SRPK2: variants seen among roughly 807,000 people sequenced by gnomAD.
SRPK2 encodes SFRS protein kinase 2.
SRPK2 carries 21 observed loss-of-function variants against 90.8 expected under a neutral mutation model. That is an observed-to-expected ratio of 0.23 (90% CI 0.16 to 0.33). SRPK2 has a LOEUF of 0.33. SRPK2 is among the 10% of genes least tolerant of loss of function. SRPK2 has a pLI of 1.00. For missense variants in SRPK2, 620 were observed against 869.0 expected (o/e 0.71, Z 3.60); for synonymous variants, 288 against 311.1 (o/e 0.93, Z 0.78).
At chr7:105,388,552 C>T (rs1821930846) in intron 2 of SRPK2, 96 bp downstream of exon 2, 1 of 1,154,162 alleles carries the variant, frequency 8.7e-7, no homozygotes, top group East Asian at 3.3e-5. Context: ...AGCCCGCCCG[C>T]CGGCCCGGGG....
rs533969450 is a variant in SRPK2 at position 105,311,406 on chromosome 7, G to T, written c.71+77242C>A. Among the ~76,000 whole-genome samples, 8 of 152,130 alleles carry T rather than the reference G, an allele frequency of 5.3e-5. No individual in the cohort carries two copies. In the South Asian group the frequency reaches 1.5e-3, roughly 28 times the overall value. ...TGCCACCACGCCTAGCTAACTTTTT[G>T]TATTTTTAGTAGAGACAGGTTTCAC... On this transcript the variant is annotated intron_variant, in intron 2 of 15. Transcript: ENST00000393651.
chr7:105,232,398 G>A (rs1799534773), intron 2 of SRPK2, among the ~76,000 whole-genome samples: 1 of 150,848 alleles, frequency 6.6e-6, no homozygotes, highest in African/African-American at 2.4e-5. Context: ...GGCAAAGGTT[G>A]CGGTGAGCCG....
At chr7:105,293,648 G>C (rs1809383450) in intron 2 of SRPK2, among the ~76,000 whole-genome samples, 1 of 152,020 alleles carries the variant, frequency 6.6e-6, no homozygotes, top group Admixed American at 6.6e-5. Context: ...TCAAACTCCT[G>C]ACCTCAGGTG....
rs1175518542 is a variant in SRPK2, at chr7:105,170,925, AAAGAAAAAG to A, written c.230-1669_230-1661del. 3.9e-3 allele frequency among the ~76,000 whole-genome samples: 452 copies of A among 115,528 alleles called. 4 individuals carry two copies. Among genetic ancestry groups the A allele is most frequent in the Non-Finnish European group, 5.3e-3 (298 of 55,812 alleles). 75.8% of individuals were successfully genotyped at this position (115,528 alleles called of 152,430 possible). ...AAAGAAAGAAAGAAAGGAGAAAGAA[AAAGAAAAAG>A]GAAAGAAAGAAAGAAAGAAAGAAAG... On this transcript the variant is annotated intron_variant, in intron 3 of 15. Coordinates refer to ENST00000393651, the MANE Select transcript of SRPK2 (RefSeq NM_182692.3).
intron 2 of SRPK2, among the ~76,000 whole-genome samples, chr7:105,345,268 G>A (rs1470241932): frequency 6.6e-6 from 1 of 151,592 alleles, no homozygotes; most frequent in Non-Finnish European, 1.5e-5. Flanking sequence ...AAGGAAAGGG[G>A]GATTTTAAGT....
At chr7:105,160,460 TAACC>T (rs1218745727) in intron 7 of SRPK2, 43 bp downstream of exon 7, 3 of 1,119,066 alleles carry the variant, frequency 2.7e-6, no homozygotes, top group Non-Finnish European at 4.1e-6. Flanking sequence ...GTTGAAAGCC[TAACC>T]AATTAGGTAC....
chr7:105,262,503 A>C (rs1196115214), intron 2 of SRPK2, among the ~76,000 whole-genome samples: 1 of 152,214 alleles, frequency 6.6e-6, no homozygotes, highest in Non-Finnish European at 1.5e-5. Context: ...CAAACCAAGC[A>C]TCTTCTTTAT....
chr7:105,153,504 G>C (rs903578342), intron 7 of SRPK2, among the ~76,000 whole-genome samples: 12 of 152,156 alleles, frequency 7.9e-5, no homozygotes, highest in Non-Finnish European at 1.3e-4. Flanking sequence ...TAATCTTGTA[G>C]ATAAGTCGGG....
chr7:105,115,606 TATCAAC>T (rs995980870), downstream of SRPK2: 1 of 152,210 alleles, frequency 6.6e-6, no homozygotes, highest in African/African-American at 2.4e-5. Flanking sequence ...GTGCATTCTT[TATCAAC>T]AAGCCGCCAA....
intron 15 of SRPK2, among the ~76,000 whole-genome samples, chr7:105,119,169 G>A (rs1222893698): frequency 2.0e-5 from 3 of 151,748 alleles, no homozygotes; most frequent in African/African-American, 4.8e-5. Flanking sequence ...TTCATGCAAG[G>A]ACTGACTTCT....
intron 2 of SRPK2, among the ~76,000 whole-genome samples, chr7:105,303,072 T>C (rs1810743720): frequency 6.6e-6 from 1 of 151,402 alleles, no homozygotes; most frequent in South Asian, 2.1e-4. Flanking sequence ...AGACTCCGTC[T>C]CAAAAAAAAA....
chr7:105,388,808 C>G lies in SRPK2; in HGVS notation c.-2G>C. On this transcript the variant is annotated 5_prime_UTR_variant, in exon 1 of 16. Coordinates refer to ENST00000393651, the MANE Select transcript of SRPK2 (RefSeq NM_182692.3). ...CCACTCACCTTTCCGGGAGCTCATT[C>G]CGACGCGGCGGAAGCGGGGCGGGGG... is the stretch of plus-strand genomic sequence containing the variant. 3.5e-6 allele frequency: 5 copies of G among 1,438,322 alleles called. No homozygotes were observed. The highest frequency in any genetic ancestry group is 3.7e-6 in the Non-Finnish European group (4 of 1,093,134). 89.1% of individuals were successfully genotyped at this position (1,438,322 alleles called of 1,614,324 possible). A position where few individuals can be genotyped will look rare whatever the true frequency, so the allele number is the denominator to read the frequency against.
intron 2 of SRPK2, among the ~76,000 whole-genome samples, chr7:105,299,278 C>T (rs1028524430): frequency 1.3e-5 from 2 of 152,198 alleles, no homozygotes; most frequent in African/African-American, 2.4e-5. Context: ...ATCTTTGCTA[C>T]GTCAACCACT....
chr7:105,120,208 G>T lies in SRPK2; in HGVS notation c.1916-2186C>A, dbSNP rs113782968. Among the ~76,000 whole-genome samples, 1,059 of 152,282 alleles carry T rather than the reference G, an allele frequency of 7.0e-3. 16 individuals carry two copies. The highest frequency in any genetic ancestry group is 0.024 in the African/African-American group (1,012 of 41,554). ...GAAAGGGAGCGAACTTTTATGACAT[G>T]AATCTATTCTATCTCAGAAAAAATA... is the stretch of plus-strand genomic sequence containing the variant. On this transcript the variant is annotated intron_variant, in intron 15 of 15. Coordinates refer to ENST00000393651, the MANE Select transcript of SRPK2 (RefSeq NM_182692.3).
chr7:105,257,294 T>C (rs761000662), intron 2 of SRPK2, among the ~76,000 whole-genome samples: 5 of 152,222 alleles, frequency 3.3e-5, no homozygotes, highest in South Asian at 2.1e-4. Flanking sequence ...ACTATGACTG[T>C]TGAAAGTAGA....
intron 13 of SRPK2, among the ~76,000 whole-genome samples, chr7:105,127,558 A>G (rs1238502615): frequency 6.6e-6 from 1 of 152,176 alleles, no homozygotes; most frequent in Non-Finnish European, 1.5e-5. Flanking sequence ...TCATCATTTC[A>G]TTCATTTCTG....
At chr7:105,250,289 G>A (rs760893186) in intron 2 of SRPK2, among the ~76,000 whole-genome samples, 8 of 152,032 alleles carry the variant, frequency 5.3e-5, no homozygotes, top group Non-Finnish European at 8.8e-5. Context: ...GCAGTGAGCC[G>A]AGATGGTGCC....
chr7:105,302,554 C>T (rs530298459), intron 2 of SRPK2, among the ~76,000 whole-genome samples: 50 of 152,198 alleles, frequency 3.3e-4, no homozygotes, highest in African/African-American at 1.2e-3. Flanking sequence ...ATTACTGAAC[C>T]GTAAATTGCT....
intron 7 of SRPK2, among the ~76,000 whole-genome samples, chr7:105,153,185 A>T (rs1217383210): frequency 1.3e-5 from 2 of 152,236 alleles, no homozygotes; most frequent in Admixed American, 1.3e-4. Flanking sequence ...CACACACATG[A>T]GGAACAAGTG....
Sources: gnomAD v4.1 joint callset for allele counts (sites outside exome capture counted in the v4.1 genomes callset) on GRCh38, gnomAD v4.1.1 for gene constraint, MANE v1.5 for transcripts, NCBI Gene and HGNC (gene_info 2026-07-23, HGNC 2026-07-21) for gene names.